CRB1: variants seen among roughly 807,000 people sequenced by gnomAD.
CRB1 encodes the protein crumbs cell polarity complex component 1, also known as protein crumbs homolog 1.
CRB1 carries 83 observed loss-of-function variants against 120.0 expected under a neutral mutation model. That is an observed-to-expected ratio of 0.69 (90% CI 0.58 to 0.83). The LOEUF is 0.83. Ranked by LOEUF, CRB1 falls within the 40% of genes least tolerant of loss-of-function variation. The probability of loss-of-function intolerance (pLI) is 0.00; values close to 1 mark genes in which losing one functional copy is unlikely to be tolerated. For synonymous variants in CRB1, 625 were observed against 612.5 expected (o/e 1.02, Z -0.30); for missense variants, 1,699 against 1,687.6 (o/e 1.01, Z -0.12).
rs1411240510 is a variant in CRB1 at position 197,442,215 on chromosome 1, G to A, written c.3928G>A (p.Gly1310Ser). ...TGCCTCTGATCCGTGTGTCAATGGA[G>A]GTCTGTGCCAGGACTTACTCAACAA... ...ECASDPCVNG[G>S]LCQDLLNKFQ... The change falls in exon 11 of 12, where the codon GGT becomes AGT. Residue 1310 changes from glycine (G) to serine (S), a missense_variant. Gly to Ser is a moderately conservative substitution (Grantham distance 56). Transcript: ENST00000367400. 1.9e-6 allele frequency: 3 copies of A among 1,614,092 alleles called. No individual in the cohort carries two copies. Among genetic ancestry groups the A allele is most frequent in the South Asian group, 1.1e-5 (1 of 91,074 alleles).
intron 11 of CRB1, among the ~76,000 whole-genome samples, chr1:197,472,107 G>A (rs1324481933): frequency 6.6e-6 from 1 of 152,176 alleles, no homozygotes. Context: ...GTTATTTGAT[G>A]TAACACTAAA....
At chr1:197,464,266 T>C (rs1459201592) in intron 11 of CRB1, among the ~76,000 whole-genome samples, 1 of 152,156 alleles carries the variant, frequency 6.6e-6, no homozygotes, top group Non-Finnish European at 1.5e-5. Context: ...TAATCTGTGC[T>C]GTACAAGCCG....
Position 197,328,785 on chromosome 1 carries a change from G to A in CRB1, c.434G>A (p.Cys145Tyr). Residue 145 changes from cysteine (C) to tyrosine (Y), a missense_variant, in exon 2 of 12, where the codon TGT becomes TAT. Transcript: ENST00000367400. ...ICPAGYAGRF[C>Y]EIDHDECASS... is the part of the protein sequence containing the mutation. ...CCTGCTGGATATGCTGGAAGATTCT[G>A]TGAGATAGATCACGATGAGTGTGCT... is the stretch of plus-strand genomic sequence containing the variant. The A allele has an allele frequency of 6.2e-7, 1 of 1,613,534 alleles. No homozygotes were observed. The highest frequency in any genetic ancestry group is 1.1e-5 in the South Asian group (1 of 91,006).
chr1:197,218,357 T>C, the CRB1 span, among the ~76,000 whole-genome samples: 1 of 152,200 alleles, frequency 6.6e-6, no homozygotes, highest in African/African-American at 2.4e-5. Context: ...TACCGGGTGA[T>C]TGCTAGAACT....
chr1:197,373,215 C>T (rs1661466141), intron 5 of CRB1, among the ~76,000 whole-genome samples: 1 of 152,156 alleles, frequency 6.6e-6, no homozygotes, highest in South Asian at 2.1e-4. Context: ...AAAATATTTA[C>T]TGAGATTCAT....
In CRB1 at chr1:197,327,101, A is replaced by AC. The variant is rs1377938957; in HGVS notation, c.71-1321_71-1320insC. Among the ~76,000 whole-genome samples the AC allele has an allele frequency of 4.8e-3, 191 of 40,022 alleles. 3 individuals carry two copies. Among genetic ancestry groups the AC allele is most frequent in the Admixed American group, 6.5e-3 (26 of 4,030 alleles). The allele number at this position is 40,022 out of a possible 152,430, so 26.3% of individuals were successfully genotyped here. On this transcript the variant is annotated intron_variant, in intron 1 of 11. Transcript: ENST00000367400. ...TTAATTCTCACACACCAAAAAAAAA[A>AC]AAAAAAAAAAAAAAAAAAAAAAAAA...
At chr1:197,298,417 C>T (rs188127466) in intron 1 of CRB1, among the ~76,000 whole-genome samples, 340 of 152,054 alleles carry the variant, frequency 2.2e-3, no homozygotes, top group Admixed American at 6.6e-3. Context: ...AAATTGCAGA[C>T]GATGAAAAAG....
In CRB1 at chr1:197,316,223, C is replaced by T. The variant is rs140061803; in HGVS notation, c.71-12199C>T. 6.7e-3 allele frequency among the ~76,000 whole-genome samples: 1,022 copies of T among 151,612 alleles called. 15 individuals are homozygous for T. Among genetic ancestry groups the T allele is most frequent in the African/African-American group, 0.023 (960 of 41,336 alleles). ...TTTTTGAGACGGAGTCTCACTCTTT[C>T]GCCCAGGCCGGACTGCCGTGGCATG... is the stretch of plus-strand genomic sequence containing the variant. On this transcript the variant is annotated intron_variant, in intron 1 of 11. Transcript: ENST00000367400.
rs1019707741 is a variant in CRB1, at chr1:197,268,325, C to T, written c.-88C>T. The stretch of plus-strand genomic sequence containing the variant: ...TGGCACCTGGGGGTTCTGAGGCACC[C>T]GCTCCTCTCTGAGACAGACAGGGAT... On this transcript the variant is annotated 5_prime_UTR_variant, in exon 1 of 12. Coordinates refer to ENST00000367400, the MANE Select transcript of CRB1 (RefSeq NM_201253.3). 9 of 957,088 alleles carry T rather than the reference C, an allele frequency of 9.4e-6. No homozygotes were observed. The highest frequency in any genetic ancestry group is 3.9e-5 in the South Asian group (3 of 77,368). 59.3% of individuals were successfully genotyped at this position (957,088 alleles called of 1,614,324 possible).
chr1:197,354,405 A>C (rs191528980), intron 4 of CRB1, among the ~76,000 whole-genome samples: 11 of 152,288 alleles, frequency 7.2e-5, no homozygotes, highest in African/African-American at 2.4e-4. Context: ...AGACCCTCGC[A>C]GTGAGTGTTA....
chr1:197,343,699 ATACT>A (rs753283240), intron 2 of CRB1, among the ~76,000 whole-genome samples: 18 of 152,224 alleles, frequency 1.2e-4, no homozygotes, highest in South Asian at 2.1e-4. Flanking sequence ...TCTCTAGCAA[ATACT>A]TAGTATGTAT....
intron 1 of CRB1, among the ~76,000 whole-genome samples, chr1:197,281,671 G>A (rs1655529327): frequency 6.6e-6 from 1 of 151,908 alleles, no homozygotes; most frequent in South Asian, 2.1e-4. Context: ...AAGAAGCAGA[G>A]TGGGCTTAGA....
At chr1:197,391,262 C>T (rs1272935317) in intron 5 of CRB1, among the ~76,000 whole-genome samples, 1 of 152,060 alleles carries the variant, frequency 6.6e-6, no homozygotes, top group African/African-American at 2.4e-5. Flanking sequence ...GGACAGAAAC[C>T]TTATAAAATC....
intron 1 of CRB1, among the ~76,000 whole-genome samples, chr1:197,290,486 C>G (rs1208945029): frequency 6.6e-6 from 1 of 151,548 alleles, no homozygotes; most frequent in Non-Finnish European, 1.5e-5. Flanking sequence ...CCCTGAACAG[C>G]TCAGTTTCAC....
At chr1:197,442,449 A>G in intron 11 of CRB1, 157 bp downstream of exon 11, 1 of 1,552,884 alleles carries the variant, frequency 6.4e-7, no homozygotes, top group Non-Finnish European at 8.6e-7. Flanking sequence ...AATGAAAAAA[A>G]AAGCCATTGA....
intron 2 of CRB1, among the ~76,000 whole-genome samples, chr1:197,335,857 G>A (rs1026462378): frequency 6.6e-6 from 1 of 152,148 alleles, no homozygotes; most frequent in Non-Finnish European, 1.5e-5. Context: ...ATTTAAGATG[G>A]AAATTAACAA....
At chr1:197,229,434 A>AG in the CRB1 span, among the ~76,000 whole-genome samples, 1 of 149,116 alleles carries the variant, frequency 6.7e-6, no homozygotes, top group Admixed American at 6.7e-5. Flanking sequence ...CCCTTCCCCC[A>AG]ATCTTAATTA....
In CRB1 at chr1:197,421,052, T is replaced by C. The variant is rs1352300215; in HGVS notation, c.1224T>C (p.Asn408=). 2 of 1,614,224 alleles carry C rather than the reference T, an allele frequency of 1.2e-6. No homozygotes were observed. The highest frequency in any genetic ancestry group is 1.7e-6 in the Non-Finnish European group (2 of 1,180,016). The change falls in exon 6 of 12, where the codon AAT becomes AAC. Residue 408 remains asparagine, a synonymous_variant. Coordinates refer to ENST00000367400, the MANE Select transcript of CRB1 (RefSeq NM_201253.3). ...AATGTTCTTCAAACCCTTGCCAAAA[T>C]GGTGGTACTTGTGAGAACTTGCCTG... ...VNECSSNPCQ[N]GGTCENLPGN...
intron 5 of CRB1, among the ~76,000 whole-genome samples, chr1:197,394,808 T>A (rs1179562591): frequency 6.6e-6 from 1 of 152,054 alleles, no homozygotes; most frequent in Non-Finnish European, 1.5e-5. Context: ...GGAGATAACA[T>A]TTTTATTCAG....
Sources: gnomAD v4.1 joint callset for allele counts (sites outside exome capture counted in the v4.1 genomes callset) on GRCh38, gnomAD v4.1.1 for gene constraint, MANE v1.5 for transcripts, NCBI Gene and HGNC (gene_info 2026-07-23, HGNC 2026-07-21) for gene names.